Variants in AGMO observed in about 807,000 individuals in gnomAD.
AGMO encodes alkylglycerol monooxygenase.
Under a neutral mutation model 60.2 loss-of-function variants are expected in AGMO, and 75 were observed. That is an observed-to-expected ratio of 1.25 (90% CI 1.03 to 1.51). AGMO has a LOEUF of 1.51. Ranked by LOEUF, AGMO falls within the 40% of genes most tolerant of loss-of-function variation. The probability of loss-of-function intolerance (pLI) is 0.00; values close to 1 mark genes in which losing one functional copy is unlikely to be tolerated. For synonymous variants in AGMO, 261 were observed against 177.1 expected (o/e 1.47, Z -3.76); for missense variants, 763 against 525.5 (o/e 1.45, Z -4.42).
rs1554398736 is a variant in AGMO at position 15,232,801 on chromosome 7, G to GCACGCACACA, written c.1264-31443_1264-31442insTGTGTGCGTG. On this transcript the variant is annotated intron_variant, in intron 12 of 12. Transcript: ENST00000342526. ...TTAAACATGGAAACCACACACACAC[G>GCACGCACACA]CACACACACACACACACACACACAC... Among the ~76,000 whole-genome samples, 1,175 of 147,106 alleles carry GCACGCACACA rather than the reference G, an allele frequency of 8.0e-3. 11 individuals carry two copies. The highest frequency in any genetic ancestry group is 0.026 in the African/African-American group (1,046 of 40,194).
chr7:15,390,495 G>C (rs1254075845), intron 8 of AGMO, among the ~76,000 whole-genome samples, 176 bp downstream of exon 8: 3 of 152,084 alleles, frequency 2.0e-5, no homozygotes, highest in African/African-American at 7.2e-5. Flanking sequence ...TATTTTGCCT[G>C]ATTTGATTCA....
chr7:15,169,653 T>A, the AGMO span, among the ~76,000 whole-genome samples: 1 of 152,102 alleles, frequency 6.6e-6, no homozygotes, highest in Non-Finnish European at 1.5e-5. Context: ...GCCAGGCCAG[T>A]GTCGAACTCT....
At chr7:15,550,778 A>G (rs2115296818) in intron 2 of AGMO, among the ~76,000 whole-genome samples, 1 of 140,330 alleles carries the variant, frequency 7.1e-6, no homozygotes, top group South Asian at 2.5e-4. Context: ...AACTATTCCA[A>G]TCAATAGAAA....
the AGMO span, among the ~76,000 whole-genome samples, chr7:15,148,046 G>C: frequency 6.6e-6 from 1 of 152,084 alleles, no homozygotes; most frequent in Admixed American, 6.5e-5. Flanking sequence ...AAGTGTATTA[G>C]AAGGAATCAA....
chr7:15,232,114 T>C (rs1207547482), intron 12 of AGMO, among the ~76,000 whole-genome samples: 5 of 152,192 alleles, frequency 3.3e-5, no homozygotes, highest in Non-Finnish European at 7.3e-5. Flanking sequence ...CTGCTGAAGA[T>C]TTTCTTCTCG....
At chr7:15,487,739 T>C (rs1277138803) in intron 3 of AGMO, among the ~76,000 whole-genome samples, 1 of 151,914 alleles carries the variant, frequency 6.6e-6, no homozygotes, top group African/African-American at 2.4e-5. Context: ...GTCTGATATT[T>C]TGGGGAAAAA....
intron 3 of AGMO, among the ~76,000 whole-genome samples, chr7:15,475,892 A>G (rs1309745809): frequency 6.6e-6 from 1 of 152,106 alleles, no homozygotes; most frequent in Non-Finnish European, 1.5e-5. Flanking sequence ...CCCACATAAG[A>G]TCTAAACATA....
the AGMO span, among the ~76,000 whole-genome samples, chr7:15,121,572 G>A: frequency 6.6e-6 from 1 of 152,134 alleles, no homozygotes; most frequent in African/African-American, 2.4e-5. Context: ...CTAATAACCA[G>A]TGATGATGAA....
chr7:15,215,559 AG>A lies in AGMO; in HGVS notation c.1264-14201del, dbSNP rs139245597. Among the ~76,000 whole-genome samples, 1,273 of 152,174 alleles carry A rather than the reference AG, an allele frequency of 8.4e-3. 14 individuals are homozygous for A. The highest frequency in any genetic ancestry group is 0.029 in the African/African-American group (1,214 of 41,534). On this transcript the variant is annotated intron_variant, in intron 12 of 12. Transcript: ENST00000342526. ...GTGTTTTATAGAGACTGCAAAATGAAGGGGGTCTGCATATTGTTTTGGTACT... is the reference window on the plus strand; with the variant it reads ...GTGTTTTATAGAGACTGCAAAATGAAGGGGTCTGCATATTGTTTTGGTACT...
the AGMO span, among the ~76,000 whole-genome samples, chr7:15,168,066 G>A: frequency 6.6e-6 from 1 of 152,194 alleles, no homozygotes; most frequent in Non-Finnish European, 1.5e-5. Context: ...TAAATGACCT[G>A]TTAGCCACAC....
chr7:15,290,257 C>T (rs1271986204), intron 12 of AGMO, among the ~76,000 whole-genome samples: 2 of 151,994 alleles, frequency 1.3e-5, no homozygotes, highest in Non-Finnish European at 2.9e-5. Context: ...TCGAACTCCT[C>T]ACCTCGTGAT....
chr7:15,452,603 G>C (rs1383341413), intron 3 of AGMO, among the ~76,000 whole-genome samples: 1 of 152,170 alleles, frequency 6.6e-6, no homozygotes, highest in African/African-American at 2.4e-5. Context: ...GTGAGGATGT[G>C]GAGAAGTTAG....
intron 12 of AGMO, among the ~76,000 whole-genome samples, chr7:15,286,214 A>G (rs1010587927): frequency 2.6e-5 from 4 of 151,810 alleles, no homozygotes; most frequent in Non-Finnish European, 5.9e-5. Flanking sequence ...ACAAAAACAA[A>G]AATAAATAGG....
chr7:15,251,170 C>T (rs775093481), intron 12 of AGMO, among the ~76,000 whole-genome samples: 1 of 152,126 alleles, frequency 6.6e-6, no homozygotes, highest in African/African-American at 2.4e-5. Context: ...TCACTGGTCC[C>T]ATTAGCTATA....
At chr7:15,491,781 A>T (rs977146196) in intron 3 of AGMO, among the ~76,000 whole-genome samples, 1 of 152,184 alleles carries the variant, frequency 6.6e-6, no homozygotes, top group Admixed American at 6.5e-5. Context: ...TGAAAGAAAA[A>T]TTATCTCAGG....
At chr7:15,207,502 T>C (rs1396190591) in intron 12 of AGMO, among the ~76,000 whole-genome samples, 3 of 152,250 alleles carry the variant, frequency 2.0e-5, no homozygotes, top group Admixed American at 6.5e-5. Flanking sequence ...TCTATTTACA[T>C]TGTTTTCCTG....
intron 12 of AGMO, among the ~76,000 whole-genome samples, chr7:15,321,588 A>G (rs1583404537): frequency 6.6e-6 from 1 of 152,296 alleles, no homozygotes; most frequent in East Asian, 1.9e-4. Context: ...GCATTTGTAG[A>G]TAAGACAATT....
At chr7:15,191,260 C>T in the AGMO span, among the ~76,000 whole-genome samples, 2 of 152,204 alleles carry the variant, frequency 1.3e-5, no homozygotes, top group African/African-American at 2.4e-5. Context: ...GAAGTAGAAA[C>T]GCTACCAAGT....
intron 3 of AGMO, among the ~76,000 whole-genome samples, chr7:15,497,338 T>C (rs1452848644): frequency 6.6e-6 from 1 of 152,166 alleles, no homozygotes; most frequent in Admixed American, 6.6e-5. Context: ...TTGTTTGTAT[T>C]GTCCCCCAAG....
Sources: gnomAD v4.1 joint callset for allele counts (sites outside exome capture counted in the v4.1 genomes callset) on GRCh38, gnomAD v4.1.1 for gene constraint, MANE v1.5 for transcripts, NCBI Gene and HGNC (gene_info 2026-07-23, HGNC 2026-07-21) for gene names.